Variants in WAC observed in about 807,000 individuals in gnomAD.
The protein encoded by WAC is WW domain-containing adapter protein with coiled-coil.
A neutral mutation model predicts 79.6 loss-of-function variants in WAC; 11 were observed. The observed-to-expected ratio is 0.14, with a 90% CI of 0.09 to 0.23. The LOEUF is 0.23. WAC is among the 10% of genes least tolerant of loss of function. The pLI, the probability that WAC is intolerant of heterozygous loss-of-function variation, is 1.00. For missense variants in WAC, 728 were observed against 773.5 expected (o/e 0.94, Z 0.70); for synonymous variants, 304 against 276.9 (o/e 1.10, Z -0.97).
rs1490922220 is a variant in WAC, at chr10:28,620,751, G to A, written c.*1145G>A. The stretch of plus-strand genomic sequence containing the variant: ...CAAGAATGATTAAGTCACTTCCCAA[G>A]TGGTTGTCATTTGTTAAACCCTGGT... On this transcript the variant is annotated 3_prime_UTR_variant, in exon 14 of 14. Transcript: ENST00000354911. 2.0e-5 allele frequency: 3 copies of A among 152,202 alleles called. No individual in the cohort carries two copies. Among genetic ancestry groups the A allele is most frequent in the Non-Finnish European group, 4.4e-5 (3 of 68,030 alleles). The allele number at this position is 152,202 out of a possible 1,614,324, so 9.4% of individuals were successfully genotyped here.
intron 6 of WAC, chr10:28,591,109 CT>C (rs1840061183): frequency 1.2e-5 from 4 of 329,070 alleles, no homozygotes; most frequent in South Asian, 1.1e-4. Context: ...TTGGTTTCCC[CT>C]GATCCCCCCA....
intron 7 of WAC, among the ~76,000 whole-genome samples, chr10:28,603,559 CAT>C (rs1207531404): frequency 6.6e-6 from 1 of 152,082 alleles, no homozygotes; most frequent in African/African-American, 2.4e-5. Flanking sequence ...ACATGTAAAA[CAT>C]GTTATTAAGC....
chr10:28,536,645 T>G (rs558947346), intron 3 of WAC, among the ~76,000 whole-genome samples: 1 of 152,368 alleles, frequency 6.6e-6, no homozygotes, highest in East Asian at 1.9e-4. Context: ...GTCTGATTTC[T>G]TTTGCACAGT....
chr10:28,571,929 T>TA (rs1386396109), intron 3 of WAC, among the ~76,000 whole-genome samples: 1 of 152,246 alleles, frequency 6.6e-6, no homozygotes, highest in Non-Finnish European at 1.5e-5. Flanking sequence ...TTATAAAACT[T>TA]ACTGTTTTAC....
chr10:28,574,162 G>GTTTTGT (rs1839123081), intron 3 of WAC, among the ~76,000 whole-genome samples: 2 of 151,612 alleles, frequency 1.3e-5, no homozygotes, highest in South Asian at 2.1e-4. Context: ...TTTTTGTTTT[G>GTTTTGT]TTTTGTTTTT....
intron 6 of WAC, chr10:28,591,678 A>G (rs983356394): frequency 2.0e-5 from 3 of 152,140 alleles, no homozygotes; most frequent in East Asian, 1.9e-4. Context: ...CCTGTGCAAC[A>G]TGGCGAGACC....
intron 3 of WAC, among the ~76,000 whole-genome samples, chr10:28,541,805 C>T (rs190615356): frequency 6.6e-6 from 1 of 152,102 alleles, no homozygotes; most frequent in Non-Finnish European, 1.5e-5. Context: ...CTAATTCTCA[C>T]TATTTTATCA....
intron 4 of WAC, among the ~76,000 whole-genome samples, chr10:28,585,505 C>T (rs932773018): frequency 6.6e-6 from 1 of 151,606 alleles, no homozygotes; most frequent in Non-Finnish European, 1.5e-5. Flanking sequence ...CGCGTGCTAT[C>T]GTCAAACTAT....
intron 7 of WAC, among the ~76,000 whole-genome samples, chr10:28,599,254 C>A (rs1379376506): frequency 6.6e-6 from 1 of 152,138 alleles, no homozygotes; most frequent in Non-Finnish European, 1.5e-5. Context: ...TGGTTCAAAT[C>A]AGGTTGGCCT....
In WAC at chr10:28,611,832, A is replaced by G. The variant is rs768080074; in HGVS notation, c.1347A>G (p.Ser449=). 8.7e-6 allele frequency: 14 copies of G among 1,614,120 alleles called. No homozygotes were observed. The highest frequency in any genetic ancestry group is 2.2e-5 in the South Asian group (2 of 91,076). The stretch of plus-strand genomic sequence containing the variant: ...CATCTGATGCGTCATCCCCAAGATC[A>G]TATGTTTCTCCAAGAATAAGCACAC... The part of the protein sequence containing the change: ...SLTSDASSPR[S]YVSPRISTPQ... Residue 449 remains serine, a synonymous_variant, in exon 10 of 14, where the codon TCA becomes TCG. Transcript: ENST00000354911.
chr10:28,564,509 CAAAA>C (rs1263563310), intron 3 of WAC, among the ~76,000 whole-genome samples: 1 of 152,058 alleles, frequency 6.6e-6, no homozygotes, highest in African/African-American at 2.4e-5. Context: ...GGAGCAGTGA[CAAAA>C]GAACATCCAC....
chr10:28,537,751 A>G (rs1048854395), intron 3 of WAC: 1 of 152,156 alleles, frequency 6.6e-6, no homozygotes, highest in African/African-American at 2.4e-5. Flanking sequence ...TTAGCCACTT[A>G]CTTTTTCTGT....
intron 7 of WAC, among the ~76,000 whole-genome samples, chr10:28,601,020 T>C (rs1463349435): frequency 6.6e-6 from 1 of 151,656 alleles, no homozygotes; most frequent in African/African-American, 2.4e-5. Flanking sequence ...TAAATGGTAT[T>C]GGAGTTGGCC....
Position 28,589,756 on chromosome 10 carries a change from C to G in WAC, c.402C>G (p.Asp134Glu), listed in dbSNP as rs1839996574. Reference protein sequence around the residue: ...TSDAPYDSADDWSEHISSSGK... With the variant: ...TSDAPYDSADEWSEHISSSGK... The stretch of plus-strand genomic sequence containing the variant: ...TTAAGCCTTATGATTCTGCAGATGA[C>G]TGGTCTGAGCATATTAGCTCTTCTG... The change falls in exon 5 of 14, where the codon GAC (aspartate) becomes GAG (glutamate). Residue 134 changes from aspartate to glutamate, a missense_variant. By Grantham distance (45) the Asp-to-Glu change is conservative. Transcript: ENST00000354911. The G allele has an allele frequency of 6.2e-7, 1 of 1,609,548 alleles. No individual in the cohort carries two copies. Among genetic ancestry groups the G allele is most frequent in the Admixed American group, 1.7e-5 (1 of 59,538 alleles).
At chr10:28,550,649 G>C (rs1393311164) in intron 3 of WAC, among the ~76,000 whole-genome samples, 1 of 152,090 alleles carries the variant, frequency 6.6e-6, no homozygotes, top group Non-Finnish European at 1.5e-5. Flanking sequence ...TCAGAGAACT[G>C]ATGTCCCTCA....
At chr10:28,547,549 A>AG (rs201602083) in intron 3 of WAC, among the ~76,000 whole-genome samples, 4 of 152,110 alleles carry the variant, frequency 2.6e-5, no homozygotes, top group African/African-American at 9.7e-5. Flanking sequence ...AAAAAAAAAA[A>AG]GACTTGTAAC....
chr10:28,553,569 A>G (rs930907528), intron 3 of WAC, among the ~76,000 whole-genome samples: 1 of 152,160 alleles, frequency 6.6e-6, no homozygotes, highest in Non-Finnish European at 1.5e-5. Flanking sequence ...ATGGTGTTGA[A>G]GAACAAAGGC....
chr10:28,533,547 C>G lies in WAC; in HGVS notation c.-33C>G, dbSNP rs749598715. The G allele has an allele frequency of 2.7e-5, 38 of 1,387,206 alleles. No individual in the cohort carries two copies. The highest frequency in any genetic ancestry group is 1.0e-4 in the African/African-American group (7 of 67,120). The allele number at this position is 1,387,206 out of a possible 1,614,324, so 85.9% of individuals were successfully genotyped here. Reference sequence around the variant, plus strand: ...CCCGCCTTTCGCGGCCGCTCTCCCCCCTCCCCGACACACACTCACAGGCCG... The same window carrying G: ...CCCGCCTTTCGCGGCCGCTCTCCCCGCTCCCCGACACACACTCACAGGCCG... On this transcript the variant is annotated 5_prime_UTR_variant, in exon 1 of 14. Transcript: ENST00000354911.
At position 28,621,778 on chromosome 10, in the gene WAC, C is replaced by T. The variant is rs1271173437; in HGVS notation, c.*2172C>T. 3 of 152,172 alleles carry T rather than the reference C, an allele frequency of 2.0e-5. No homozygotes were observed. The highest frequency in any genetic ancestry group is 4.4e-5 in the Non-Finnish European group (3 of 68,040). 9.4% of individuals were successfully genotyped at this position (152,172 alleles called of 1,614,324 possible). On this transcript the variant is annotated 3_prime_UTR_variant, in exon 14 of 14. Transcript: ENST00000354911. ...TTTGATTTGCTTATAGTCTACTGGT[C>T]TGTGTACCTATGTTTTGTTTTTCAA...
Sources: allele counts gnomAD v4.1 joint callset (sites outside exome capture counted in the v4.1 genomes callset), GRCh38; gene constraint gnomAD v4.1.1; transcripts MANE v1.5; gene names NCBI Gene and HGNC (gene_info 2026-07-23, HGNC 2026-07-21).